ATG2B: variants seen among roughly 807,000 people sequenced by gnomAD.
ATG2B encodes the protein autophagy related 2B.
In ATG2B, 121 loss-of-function variants were observed where a neutral mutation model predicts 241.3. That is an observed-to-expected ratio of 0.50 (90% confidence interval 0.43 to 0.58). The LOEUF is 0.58. ATG2B is among the 20% of genes least tolerant of loss of function. The pLI is 0.00. For missense variants in ATG2B, 2,306 were observed against 2,491.6 expected, an observed-to-expected ratio of 0.93 and a Z score of 1.59; for synonymous variants, 858 against 876.6, an observed-to-expected ratio of 0.98 and a Z score of 0.37.
chr14:96,292,127 T>C, intron 36 of ATG2B, 29 bp from the exon 37 acceptor site: 1 of 1,448,630 alleles, frequency 6.9e-7, no homozygotes, highest in Non-Finnish European at 9.5e-7. Context: ...GGGAGTTATT[T>C]ACATTTACAA....
chr14:96,297,263 C>A (rs946715258), intron 34 of ATG2B, among the ~76,000 whole-genome samples: 3 of 147,962 alleles, frequency 2.0e-5, no homozygotes, highest in African/African-American at 7.5e-5. Flanking sequence ...TTCAAAAAAA[C>A]AGCAAATTTT....
Position 96,345,289 on chromosome 14 carries a change from C to A in ATG2B, c.422G>T (p.Gly141Val), listed in dbSNP as rs1237085805. The change falls in exon 3 of 42, where the codon GGA becomes GTA. Residue 141 changes from glycine to valine, a missense_variant. Gly to Val is a moderately radical substitution (Grantham distance 109). Transcript: ENST00000359933. The part of the protein sequence containing the change: ...CLSQKLTDEQ[G>V]EGSQPFEGLE... ...TCCTTCAAAAGGCTGGGATCCTTCT[C>A]CTTGTTCATCTGTTAGTTTCTGGCT... 1.2e-6 allele frequency: 2 copies of A among 1,613,352 alleles called. No homozygotes were observed. Among genetic ancestry groups the A allele is most frequent in the African/African-American group, 2.7e-5 (2 of 74,892 alleles).
intron 6 of ATG2B, among the ~76,000 whole-genome samples, chr14:96,335,769 T>G (rs1283231608): frequency 4.6e-5 from 7 of 152,200 alleles, no homozygotes; most frequent in Non-Finnish European, 1.0e-4. Context: ...TCTAACTACA[T>G]GCCAAATTTA....
At chr14:96,333,585 G>A (rs1424343873) in intron 8 of ATG2B, 103 bp downstream of exon 8, 1 of 1,061,862 alleles carries the variant, frequency 9.4e-7, no homozygotes, top group Non-Finnish European at 1.3e-6. Flanking sequence ...GGATCTTTTT[G>A]TTCTTTCATT....
rs1218953772 is a variant in ATG2B at position 96,343,265 on chromosome 14, C to G, written c.598G>C (p.Glu200Gln). The change falls in exon 5 of 42, where the codon GAA becomes CAA. Residue 200 changes from glutamate to glutamine, a missense_variant. Glu to Gln is a conservative substitution (Grantham distance 29, BLOSUM62 2). This residue lies in a region of ATG2B where 1,927 missense variants were observed against 2,011.2 expected (regional missense o/e 0.96). Coordinates refer to ENST00000359933, the MANE Select transcript of ATG2B (RefSeq NM_018036.7). The stretch of plus-strand genomic sequence containing the variant: ...ATTCCTGAGGATTCGTCAGCAGTTT[C>G]ATCACAGTACACAGTTCTGAAATTT... ...IRIERTVYCD[E>Q]TADESSGINV... 1 of 1,604,698 alleles carries G rather than the reference C, an allele frequency of 6.2e-7. No homozygotes were observed. The highest frequency in any genetic ancestry group is 8.5e-7 in the Non-Finnish European group (1 of 1,176,536).
Position 96,325,641 on chromosome 14 carries a change from A to G in ATG2B, c.2437+8T>C. The G allele has an allele frequency of 6.2e-7, 1 of 1,607,046 alleles. No individual in the cohort carries two copies. Among genetic ancestry groups the G allele is most frequent in the Non-Finnish European group, 8.5e-7 (1 of 1,177,230 alleles). ...GGATGGTTCTTTTACAGGCACATTCAATCTTACCAATTAGTTCTCTAAAGG... is the reference window on the plus strand; with the variant it reads ...GGATGGTTCTTTTACAGGCACATTCGATCTTACCAATTAGTTCTCTAAAGG... On this transcript the variant is annotated splice_region_variant and intron_variant, in intron 15 of 41. Transcript: ENST00000359933.
chr14:96,344,864 TAAAG>T (rs1888131300), intron 3 of ATG2B, 108 bp from the exon 4 acceptor site: 19 of 524,172 alleles, frequency 3.6e-5, no homozygotes, highest in Middle Eastern at 1.0e-3. Flanking sequence ...GTTTACAAAA[TAAAG>T]AAGCTGAATT....
Position 96,285,605 on chromosome 14 carries a change from G to T in ATG2B, c.*150C>A. ...AAATGTCAGAAGTTTTTGGTTGCAT[G>T]TTGTTTTGATGTTAAATTATTTAAC... On this transcript the variant is annotated 3_prime_UTR_variant, in exon 42 of 42. Coordinates refer to ENST00000359933, the MANE Select transcript of ATG2B (RefSeq NM_018036.7). This position sits in a 1 kb window ranked among gnomAD's most constrained non-coding sequence, Gnocchi z 4.2. The T allele has an allele frequency of 1.4e-6, 1 of 708,764 alleles. No individual in the cohort carries two copies. The highest frequency in any genetic ancestry group is 2.9e-5 in the Admixed American group (1 of 34,374). The allele number at this position is 708,764 out of a possible 1,614,324, so 43.9% of individuals were successfully genotyped here. A position where few individuals can be genotyped will look rare whatever the true frequency, so the allele number is the denominator to read the frequency against.
chr14:96,341,605 C>T lies in ATG2B; in HGVS notation c.841G>A (p.Asp281Asn). 6.2e-7 allele frequency: 1 copy of T among 1,606,320 alleles called. No homozygotes were observed. The highest frequency in any genetic ancestry group is 8.5e-7 in the Non-Finnish European group (1 of 1,175,338). Reference protein sequence around the residue: ...TRNLPEIAPSDPVQIGRLIGR... With the variant: ...TRNLPEIAPSNPVQIGRLIGR... ...ATTAACCGTCCAATCTGCACTGGGT[C>T]AGAAGGTGCTATCTCTGGTAAATTT... The change falls in exon 6 of 42, where the codon GAC becomes AAC. Residue 281 changes from aspartate to asparagine, a missense_variant. This residue lies in a region of ATG2B where 1,927 missense variants were observed against 2,011.2 expected (regional missense o/e 0.96). Coordinates refer to ENST00000359933, the MANE Select transcript of ATG2B (RefSeq NM_018036.7).
In ATG2B at chr14:96,352,614, T is replaced by TA. The variant is rs141081900; in HGVS notation, c.163-5274dup. Among the ~76,000 whole-genome samples, 30 of 144,410 alleles carry TA rather than the reference T, an allele frequency of 2.1e-4. 1 individual carries two copies. Among genetic ancestry groups the TA allele is most frequent in the South Asian group, 6.5e-4 (3 of 4,608 alleles). 94.7% of individuals were successfully genotyped at this position (144,410 alleles called of 152,430 possible). On this transcript the variant is annotated intron_variant, in intron 1 of 41. Transcript: ENST00000359933. ...GTTTTTGACAAAAAAGTTTAAAAATTAAAAAAAAAAATTAAAAATACAAAA... is the reference window on the plus strand; with the variant it reads ...GTTTTTGACAAAAAAGTTTAAAAATTAAAAAAAAAAAATTAAAAATACAAAA...
intron 1 of ATG2B, among the ~76,000 whole-genome samples, chr14:96,358,717 ACACCAGTCCTATGAAGTGTTTCCT>A (rs1177949017): frequency 2.0e-5 from 3 of 151,868 alleles, no homozygotes; most frequent in South Asian, 4.1e-4. Flanking sequence ...AACATTTTCC[ACACCAGTCCTATGAAGTGTTTCCT>A]CACCAGTCCT....
chr14:96,330,400 C>T (rs540442272), intron 11 of ATG2B, among the ~76,000 whole-genome samples: 5 of 152,184 alleles, frequency 3.3e-5, no homozygotes, highest in South Asian at 2.1e-4. Context: ...TTTAAACCAC[C>T]GTATAAGATG....
chr14:96,294,647 CT>C (rs1441520502), intron 36 of ATG2B, among the ~76,000 whole-genome samples: 15 of 152,160 alleles, frequency 9.9e-5, no homozygotes, highest in Admixed American at 9.8e-4. Flanking sequence ...TGATATCCTG[CT>C]GGGCTGGTAC....
At chr14:96,362,224 C>T (rs1346831458) in intron 1 of ATG2B, among the ~76,000 whole-genome samples, 3 of 152,134 alleles carry the variant, frequency 2.0e-5, no homozygotes, top group Non-Finnish European at 2.9e-5. Context: ...TAGGGCCAGA[C>T]GACCATTCAC....
chr14:96,312,217 C>T (rs2139859846), intron 25 of ATG2B, 58 bp from the exon 26 acceptor site: 1 of 1,185,404 alleles, frequency 8.4e-7, no homozygotes, highest in Non-Finnish European at 1.2e-6. Context: ...TATCATACCC[C>T]ATAATCACTA....
At chr14:96,342,895 C>T (rs1004720090) in intron 5 of ATG2B, among the ~76,000 whole-genome samples, 3 of 151,858 alleles carry the variant, frequency 2.0e-5, no homozygotes, top group African/African-American at 7.3e-5. Context: ...GATACAGTAC[C>T]CAACATTTCT....
chr14:96,350,814 G>A (rs1015660853), intron 1 of ATG2B, among the ~76,000 whole-genome samples: 2 of 152,148 alleles, frequency 1.3e-5, no homozygotes, highest in African/African-American at 2.4e-5. Flanking sequence ...GGGCATGGAT[G>A]GTTTTAAGGT....
chr14:96,331,778 T>C (rs1371089473), intron 10 of ATG2B, 141 bp from the exon 11 acceptor site: 2 of 693,542 alleles, frequency 2.9e-6, no homozygotes, highest in Non-Finnish European at 4.6e-6. Flanking sequence ...TTAATTTAAG[T>C]AAAATCAACT....
rs745871759 is a variant in ATG2B, at chr14:96,305,822, TAAAC to T, written c.4507-11_4507-8del. The T allele has an allele frequency of 5.0e-6, 8 of 1,606,714 alleles. No individual in the cohort carries two copies. Among genetic ancestry groups the T allele is most frequent in the African/African-American group, 2.7e-5 (2 of 74,776 alleles). ...CTGGTTCTTCTTCCTTCTCCTAAAA[TAAAC>T]AAACAGGTAACACATACTCTCTTTT... On this transcript the variant is annotated splice_polypyrimidine_tract_variant and splice_region_variant and intron_variant, in intron 30 of 41. Transcript: ENST00000359933.
Sources: gnomAD v4.1 joint callset for allele counts (sites outside exome capture counted in the v4.1 genomes callset) on GRCh38, gnomAD v4.1.1 for gene constraint, gnomAD v4.1.1 regional missense constraint, Gnocchi (gnomAD v3.1) non-coding constraint, MANE v1.5 for transcripts, NCBI Gene and HGNC (gene_info 2026-07-23, HGNC 2026-07-21) for gene names.